Variants in CDH12 observed in about 807,000 individuals in gnomAD.
The protein encoded by CDH12 is cadherin 12, also known as cadherin-12.
In CDH12, 41 loss-of-function variants were observed where a neutral mutation model predicts 74.1. The observed-to-expected ratio is 0.55, with a 90% confidence interval of 0.43 to 0.72. The LOEUF is 0.72. Among genes scored for constraint, CDH12 ranks in the 30% least tolerant of loss-of-function variants. The pLI is 0.00. For synonymous variants in CDH12, 399 were observed against 355.0 expected (o/e 1.12, Z -1.39); for missense variants, 945 against 977.2 (o/e 0.97, Z 0.44).
intron 4 of CDH12, among the ~76,000 whole-genome samples, chr5:22,189,936 G>A (rs978408829): frequency 7.9e-5 from 12 of 151,940 alleles, no homozygotes; most frequent in African/African-American, 2.7e-4. Flanking sequence ...CACAGCTGGT[G>A]AATGGACACT....
At chr5:22,469,614 T>C (rs1038761005) in intron 2 of CDH12, among the ~76,000 whole-genome samples, 1 of 152,164 alleles carries the variant, frequency 6.6e-6, no homozygotes, top group African/African-American at 2.4e-5. Context: ...ACTGGGGCAT[T>C]AGAACCTCAA....
At chr5:21,881,077 G>A (rs1752331118) in intron 6 of CDH12, among the ~76,000 whole-genome samples, 1 of 151,702 alleles carries the variant, frequency 6.6e-6, no homozygotes, top group Non-Finnish European at 1.5e-5. Context: ...CACTATTTTA[G>A]CAGCTCACAC....
intron 6 of CDH12, among the ~76,000 whole-genome samples, chr5:21,918,435 C>T (rs997446264): frequency 6.6e-6 from 1 of 151,946 alleles, no homozygotes; most frequent in Non-Finnish European, 1.5e-5. Flanking sequence ...CTAATAAAGA[C>T]ATACCCGAGG....
At chr5:21,829,677 G>C (rs1270296026) in intron 8 of CDH12, among the ~76,000 whole-genome samples, 1 of 152,124 alleles carries the variant, frequency 6.6e-6, no homozygotes, top group Admixed American at 6.5e-5. Context: ...GAAATAAATG[G>C]TGACTTTAGG....
chr5:22,756,098 G>GAAAA (rs60067455), intron 1 of CDH12, among the ~76,000 whole-genome samples: 976 of 85,386 alleles, frequency 0.011, no homozygotes, highest in Middle Eastern at 0.014. Flanking sequence ...TTCAAGGACC[G>GAAAA]AAAAAAAAAA....
intron 1 of CDH12, among the ~76,000 whole-genome samples, chr5:22,576,071 C>T (rs920965366): frequency 6.6e-6 from 1 of 152,104 alleles, no homozygotes; most frequent in African/African-American, 2.4e-5. Context: ...TCCCAGAGGC[C>T]CCCAAGGGCC....
At chr5:22,678,292 G>C (rs1741319725) in intron 1 of CDH12, among the ~76,000 whole-genome samples, 1 of 152,082 alleles carries the variant, frequency 6.6e-6, no homozygotes, top group Non-Finnish European at 1.5e-5. Flanking sequence ...TGGAGTGTTT[G>C]TAGCAAACAC....
At chr5:22,303,439 CTT>C (rs1386439904) in intron 3 of CDH12, among the ~76,000 whole-genome samples, 4 of 151,994 alleles carry the variant, frequency 2.6e-5, no homozygotes, top group Non-Finnish European at 5.9e-5. Flanking sequence ...TGCTTTAAAA[CTT>C]TGAAAATTAT....
At chr5:21,828,117 A>G (rs1162307223) in intron 8 of CDH12, among the ~76,000 whole-genome samples, 1 of 151,998 alleles carries the variant, frequency 6.6e-6, no homozygotes, top group Non-Finnish European at 1.5e-5. Flanking sequence ...AGCTTTGAAA[A>G]ACAATGAATT....
intron 6 of CDH12, among the ~76,000 whole-genome samples, chr5:21,880,619 CTTTCTTTCTTT>C (rs1752262564): frequency 5.9e-5 from 3 of 50,554 alleles, no homozygotes; most frequent in African/African-American, 2.5e-4. Context: ...TTCCTTCCTT[CTTTCTTTCTTT>C]CTTTCTTTCT....
intron 3 of CDH12, among the ~76,000 whole-genome samples, chr5:22,354,323 G>C (rs1580556083): frequency 6.6e-6 from 1 of 152,292 alleles, no homozygotes; most frequent in East Asian, 1.9e-4. Flanking sequence ...ACTGTCCCCT[G>C]ACAAAACCAC....
At chr5:22,080,239 A>G (rs1225710971) in intron 4 of CDH12, among the ~76,000 whole-genome samples, 1 of 152,208 alleles carries the variant, frequency 6.6e-6, no homozygotes, top group Non-Finnish European at 1.5e-5. Context: ...GCAGTTCAGA[A>G]CAATGTGTAT....
chr5:22,185,197 CTCT>C (rs1232295997), intron 4 of CDH12, among the ~76,000 whole-genome samples: 3 of 108,598 alleles, frequency 2.8e-5, no homozygotes, highest in African/African-American at 9.5e-5. Context: ...CTCTCTCTCT[CTCT>C]TTTTTTTTTT....
intron 4 of CDH12, among the ~76,000 whole-genome samples, chr5:22,166,136 T>C (rs944675086): frequency 3.3e-5 from 5 of 152,134 alleles, no homozygotes; most frequent in African/African-American, 1.2e-4. Context: ...TCAGGGCCCC[T>C]TTTCAGTAAC....
chr5:21,776,523 G>C (rs1178595135), intron 11 of CDH12, among the ~76,000 whole-genome samples: 3 of 152,128 alleles, frequency 2.0e-5, no homozygotes, highest in Non-Finnish European at 4.4e-5. Context: ...AAGAAATGTT[G>C]CTGTCTTTCT....
At chr5:22,042,673 C>T (rs979354872) in intron 5 of CDH12, among the ~76,000 whole-genome samples, 7 of 152,066 alleles carry the variant, frequency 4.6e-5, no homozygotes, top group African/African-American at 1.4e-4. Context: ...ATCGCTTGAG[C>T]CCAAGAGTTT....
At chr5:21,840,657 G>C (rs1315701864) in intron 8 of CDH12, among the ~76,000 whole-genome samples, 1 of 151,694 alleles carries the variant, frequency 6.6e-6, no homozygotes, top group Non-Finnish European at 1.5e-5. Context: ...CCAAAACAGA[G>C]ATATAGATCA....
intron 3 of CDH12, among the ~76,000 whole-genome samples, chr5:22,289,509 C>T (rs1737290062): frequency 6.6e-6 from 1 of 152,080 alleles, no homozygotes. Context: ...TTGGACAATA[C>T]TAGAATAAAA....
chr5:21,947,718 G>A (rs1354076794), intron 6 of CDH12, among the ~76,000 whole-genome samples: 2 of 152,230 alleles, frequency 1.3e-5, no homozygotes, highest in East Asian at 3.9e-4. Flanking sequence ...GAAGCCGAAT[G>A]TTGTTACAGT....
Sources: allele counts gnomAD v4.1 joint callset (sites outside exome capture counted in the v4.1 genomes callset), GRCh38; gene constraint gnomAD v4.1.1; transcripts MANE v1.5; gene names NCBI Gene and HGNC (gene_info 2026-07-23, HGNC 2026-07-21).